The following FBLN2 variants were observed in gnomAD, a reference collection of about 807,000 sequenced individuals.
FBLN2 encodes fibulin 2.
In FBLN2, 81 loss-of-function variants were observed where a neutral mutation model predicts 123.7. The ratio of observed to expected loss-of-function variants is 0.65; its 90% CI spans 0.55 to 0.79. The LOEUF is 0.79. Ranked by LOEUF, FBLN2 falls within the 30% of genes least tolerant of loss-of-function variation. The pLI is 0.00. For missense variants in FBLN2, 1,603 were observed against 1,681.3 expected (o/e 0.95, Z 0.81); for synonymous variants, 699 against 701.4 (o/e 1.00, Z 0.05).
intron 9 of FBLN2, among the ~76,000 whole-genome samples, chr3:13,625,306 C>A (rs1472775244): frequency 6.6e-6 from 1 of 152,136 alleles, no homozygotes; most frequent in Non-Finnish European, 1.5e-5. Flanking sequence ...CCCCACCTCC[C>A]TTATGCGTCC....
intron 14 of FBLN2, among the ~76,000 whole-genome samples, chr3:13,630,320 G>A (rs1181727126): frequency 6.6e-6 from 1 of 152,240 alleles, no homozygotes; most frequent in Non-Finnish European, 1.5e-5. Context: ...ATTCCCATGT[G>A]TGTTCATGGT....
chr3:13,553,321 G>A (rs1703375039), intron 1 of FBLN2, among the ~76,000 whole-genome samples: 1 of 152,198 alleles, frequency 6.6e-6, no homozygotes, highest in Non-Finnish European at 1.5e-5. Flanking sequence ...GGCCTGGAGA[G>A]GACAAGGCGG....
chr3:13,634,277 C>T (rs3773252), intron 16 of FBLN2, among the ~76,000 whole-genome samples: 31,530 of 152,256 alleles, frequency 0.21, 3,450 homozygotes, highest in African/African-American at 0.25. Flanking sequence ...GATGGCAGCC[C>T]TGGATACGGG....
At chr3:13,636,368 C>G in intron 16 of FBLN2, 77 bp from the exon 17 acceptor site, 1 of 1,567,624 alleles carries the variant, frequency 6.4e-7, no homozygotes, top group Non-Finnish European at 8.7e-7. Context: ...GGGCCCAGGC[C>G]TTTCATGCAG....
At chr3:13,562,496 A>G (rs1703639792) in intron 1 of FBLN2, among the ~76,000 whole-genome samples, 1 of 151,632 alleles carries the variant, frequency 6.6e-6, no homozygotes, top group Non-Finnish European at 1.5e-5. Flanking sequence ...AGCTGGGATT[A>G]TAGGTATATG....
At chr3:13,630,609 C>A in intron 14 of FBLN2, 90 bp from the exon 15 acceptor site, 1 of 1,083,846 alleles carries the variant, frequency 9.2e-7, no homozygotes, top group Non-Finnish European at 1.4e-6. Context: ...GGCCGGGGAG[C>A]TTGGTGGGCC....
rs565700131 is a variant in FBLN2, at chr3:13,586,501, T to TTG, written c.1306+14841_1306+14842insGT. On this transcript the variant is annotated intron_variant, in intron 2 of 17. Coordinates refer to ENST00000404922, the MANE Select transcript of FBLN2 (RefSeq NM_001004019.2). ...CCTGGCGTATGTCTTAGTTGTTTTTTTTTTTTTTTTTATTGAAATGGAGTC... is the reference window on the plus strand; with the variant it reads ...CCTGGCGTATGTCTTAGTTGTTTTTTTGTTTTTTTTTTTATTGAAATGGAGTC... 9.5e-4 allele frequency among the ~76,000 whole-genome samples: 141 copies of TTG among 148,052 alleles called. 1 individual carries two copies. The South Asian group carries it at 0.029, about 31-fold the overall frequency.
chr3:13,574,663 G>C (rs1704076528), intron 2 of FBLN2, among the ~76,000 whole-genome samples: 1 of 152,062 alleles, frequency 6.6e-6, no homozygotes, highest in Non-Finnish European at 1.5e-5. Flanking sequence ...CGGCTGGAGG[G>C]GTCACTTCTG....
chr3:13,621,662 C>T, intron 8 of FBLN2, 113 bp from the exon 9 acceptor site: 1 of 1,191,300 alleles, frequency 8.4e-7, no homozygotes, highest in Non-Finnish European at 1.2e-6. Context: ...GCGGGGAGGC[C>T]CCAGACAGGC....
chr3:13,570,080 C>T (rs1294206306), intron 1 of FBLN2, among the ~76,000 whole-genome samples: 3 of 152,076 alleles, frequency 2.0e-5, no homozygotes, highest in African/African-American at 4.8e-5. Flanking sequence ...GGGCTGTCAG[C>T]GACTCCAGGT....
intron 1 of FBLN2, among the ~76,000 whole-genome samples, chr3:13,556,146 G>A (rs59512049): frequency 0.011 from 1,671 of 152,300 alleles, 34 homozygotes; most frequent in African/African-American, 0.038. Flanking sequence ...CTGTCCTGGC[G>A]GGTTCCGGCT....
At chr3:13,634,901 C>G (rs930253791) in intron 16 of FBLN2, among the ~76,000 whole-genome samples, 1 of 152,228 alleles carries the variant, frequency 6.6e-6, no homozygotes, top group Non-Finnish European at 1.5e-5. Flanking sequence ...CAGAGTCCCT[C>G]AAGCATCACA....
chr3:13,594,079 T>G (rs1401134732), intron 2 of FBLN2, among the ~76,000 whole-genome samples: 3 of 152,250 alleles, frequency 2.0e-5, no homozygotes. Context: ...TTTCTGTGGT[T>G]GTCTCTTTAG....
Position 13,631,415 on chromosome 3 carries a change from G to C in FBLN2, c.3172G>C (p.Glu1058Gln). ...AGGGAGCTACCAGTGTGCATGCCCTGAGCAGGGCTACACCATGACGGCCAA... is the reference window on the plus strand; with the variant it reads ...AGGGAGCTACCAGTGTGCATGCCCTCAGCAGGGCTACACCATGACGGCCAA... ...VPGSYQCACP[E>Q]QGYTMTANGR... is the part of the protein sequence containing the mutation. The change falls in exon 16 of 18, where the codon GAG becomes CAG. Residue 1058 changes from glutamate (E) to glutamine (Q), a missense_variant. Glu to Gln is a conservative substitution (Grantham distance 29, BLOSUM62 2). Coordinates refer to ENST00000404922, the MANE Select transcript of FBLN2 (RefSeq NM_001004019.2). The C allele has an allele frequency of 6.2e-7, 1 of 1,600,688 alleles. No homozygotes were observed.
At chr3:13,549,970 C>G (rs1703278353) in intron 1 of FBLN2, among the ~76,000 whole-genome samples, 1 of 152,220 alleles carries the variant, frequency 6.6e-6, no homozygotes, top group South Asian at 2.1e-4. Context: ...CTCTGACACG[C>G]ACACACGTCC....
At chr3:13,622,319 G>T (rs539711532) in intron 9 of FBLN2, among the ~76,000 whole-genome samples, 1 of 152,354 alleles carries the variant, frequency 6.6e-6, no homozygotes, top group East Asian at 1.9e-4. Context: ...TCTTCCCCCA[G>T]CTGTGGTTTT....
At chr3:13,551,039 A>T (rs1268218369) in intron 1 of FBLN2, among the ~76,000 whole-genome samples, 3 of 152,190 alleles carry the variant, frequency 2.0e-5, no homozygotes, top group African/African-American at 7.2e-5. Context: ...CCCCCAACCC[A>T]GGGGATGGGG....
At position 13,570,505 on chromosome 3, in the gene FBLN2, G is replaced by T. The variant is rs1559401911; in HGVS notation, c.150G>T (p.Glu50Asp). ...AGAACTGCATTGAGGAGGCGCTGGAGCCGGGTGCCTGCTGTGCCACGTGTG... is the reference window on the plus strand; with the variant it reads ...AGAACTGCATTGAGGAGGCGCTGGATCCGGGTGCCTGCTGTGCCACGTGTG... ...PLENCIEEAL[E>D]PGACCATCVQ... The change falls in exon 2 of 18, where the codon GAG (glutamate) becomes GAT (aspartate). Residue 50 changes from glutamate to aspartate, a missense_variant. By Grantham distance (45) the Glu-to-Asp change is conservative (BLOSUM62 2). Coordinates refer to ENST00000404922, the MANE Select transcript of FBLN2 (RefSeq NM_001004019.2). 2 of 1,585,968 alleles carry T rather than the reference G, an allele frequency of 1.3e-6. No homozygotes were observed. The highest frequency in any genetic ancestry group is 3.5e-5 in the Admixed American group (2 of 56,692).
At chr3:13,625,895 G>T (rs569169309) in intron 9 of FBLN2, among the ~76,000 whole-genome samples, 12 of 151,646 alleles carry the variant, frequency 7.9e-5, no homozygotes, top group East Asian at 1.9e-4. Flanking sequence ...CCCACCTCCT[G>T]GTGGGCCCTT....
Sources: gnomAD v4.1 joint callset for allele counts (sites outside exome capture counted in the v4.1 genomes callset) on GRCh38, gnomAD v4.1.1 for gene constraint, MANE v1.5 for transcripts, NCBI Gene and HGNC (gene_info 2026-07-23, HGNC 2026-07-21) for gene names.